The following ABTB3 variants were observed in gnomAD, a reference collection of about 807,000 sequenced individuals.
ABTB3 encodes ankyrin repeat and BTB domain containing 3, also known as ankyrin repeat- and BTB/POZ domain-containing protein 3.
the ABTB3 span, among the ~76,000 whole-genome samples, chr12:107,655,271 A>G: frequency 1.3e-5 from 2 of 151,956 alleles, no homozygotes; most frequent in Non-Finnish European, 2.9e-5. Flanking sequence ...ATATATATAT[A>G]TATACACCTA....
At chr12:107,403,991 C>T in the ABTB3 span, among the ~76,000 whole-genome samples, 32 of 151,838 alleles carry the variant, frequency 2.1e-4, 1 homozygote, top group South Asian at 3.5e-3. Context: ...GGTGAAACCC[C>T]GTCTCTACTA....
the ABTB3 span, among the ~76,000 whole-genome samples, chr12:107,482,904 C>CCTTCT: frequency 5.9e-4 from 80 of 134,900 alleles, 3 homozygotes; most frequent in African/African-American, 2.0e-3. Flanking sequence ...CTCTCTCTCT[C>CCTTCT]TCTTTCTTCT....
the ABTB3 span, among the ~76,000 whole-genome samples, chr12:107,470,263 T>G: frequency 6.6e-6 from 1 of 151,946 alleles, no homozygotes; most frequent in African/African-American, 2.4e-5. Context: ...GGTCTTAAAC[T>G]CCTGACCTCA....
the ABTB3 span, among the ~76,000 whole-genome samples, chr12:107,332,504 C>T: frequency 2.0e-5 from 3 of 152,156 alleles, no homozygotes; most frequent in African/African-American, 7.2e-5. Context: ...GTTCTCGGTG[C>T]CTGTTCCTAA....
chr12:107,504,746 G>A, the ABTB3 span, among the ~76,000 whole-genome samples: 1 of 152,154 alleles, frequency 6.6e-6, no homozygotes. Context: ...ACTATAGAGG[G>A]TATCCTTGCT....
the ABTB3 span, among the ~76,000 whole-genome samples, chr12:107,510,464 G>A: frequency 6.6e-6 from 1 of 151,810 alleles, no homozygotes; most frequent in Non-Finnish European, 1.5e-5. Flanking sequence ...GTAAACCTTT[G>A]GTTGCTCACA....
the ABTB3 span, among the ~76,000 whole-genome samples, chr12:107,445,595 G>A: frequency 8.5e-5 from 13 of 152,158 alleles, no homozygotes; most frequent in Non-Finnish European, 1.5e-4. Context: ...TCAGAGAAGA[G>A]AACACTGAAA....
chr12:107,511,187 G>A, the ABTB3 span, among the ~76,000 whole-genome samples: 19 of 152,274 alleles, frequency 1.2e-4, no homozygotes, highest in East Asian at 5.8e-4. Flanking sequence ...ATTGGCAGTC[G>A]GGAATTGCCT....
the ABTB3 span, among the ~76,000 whole-genome samples, chr12:107,549,401 T>A: frequency 6.6e-6 from 1 of 152,226 alleles, no homozygotes; most frequent in Non-Finnish European, 1.5e-5. Context: ...CTTACTCCTA[T>A]GGACATACCT....
At chr12:107,554,592 TCTCA>T in the ABTB3 span, among the ~76,000 whole-genome samples, 1 of 152,222 alleles carries the variant, frequency 6.6e-6, no homozygotes, top group Admixed American at 6.5e-5. Flanking sequence ...CCGTTACTAT[TCTCA>T]CTGTCATGGT....
At chr12:107,401,477 C>T in the ABTB3 span, among the ~76,000 whole-genome samples, 43 of 152,332 alleles carry the variant, frequency 2.8e-4, no homozygotes, top group South Asian at 1.0e-3. Context: ...ACCAGGAACA[C>T]CCCATCACAG....
chr12:107,467,611 C>A, the ABTB3 span, among the ~76,000 whole-genome samples: 849 of 151,254 alleles, frequency 5.6e-3, 12 homozygotes, highest in African/African-American at 0.019. Flanking sequence ...TGCATGCACT[C>A]ATACACACAC....
the ABTB3 span, among the ~76,000 whole-genome samples, chr12:107,603,183 C>G: frequency 1.3e-5 from 2 of 152,206 alleles, no homozygotes; most frequent in African/African-American, 4.8e-5. Flanking sequence ...CCTTCAGAAA[C>G]TTTCTGGAAA....
the ABTB3 span, among the ~76,000 whole-genome samples, chr12:107,468,086 G>A: frequency 4.5e-4 from 68 of 152,232 alleles, no homozygotes; most frequent in Middle Eastern, 6.8e-3. Context: ...ACCGAGAAAC[G>A]CCAGTCATCC....
the ABTB3 span, among the ~76,000 whole-genome samples, chr12:107,409,319 C>T: frequency 6.6e-5 from 10 of 152,284 alleles, no homozygotes; most frequent in East Asian, 3.9e-4. Flanking sequence ...GAAATAGGAA[C>T]GCTTTTACAC....
At chr12:107,503,745 A>T in the ABTB3 span, among the ~76,000 whole-genome samples, 1 of 119,988 alleles carries the variant, frequency 8.3e-6, no homozygotes, top group East Asian at 2.3e-4. Context: ...TGATAGAGCA[A>T]GACCCTATCT....
the ABTB3 span, among the ~76,000 whole-genome samples, chr12:107,422,108 A>G: frequency 6.6e-6 from 1 of 152,220 alleles, no homozygotes; most frequent in African/African-American, 2.4e-5. Flanking sequence ...TCAATGGGAT[A>G]GTCAAGGAGG....
the ABTB3 span, among the ~76,000 whole-genome samples, chr12:107,549,189 GA>G: frequency 6.6e-6 from 1 of 152,154 alleles, no homozygotes; most frequent in African/African-American, 2.4e-5. Flanking sequence ...CTAATAATGT[GA>G]AACAAAATAA....
chr12:107,644,493 A>G, the ABTB3 span, among the ~76,000 whole-genome samples: 2 of 152,326 alleles, frequency 1.3e-5, no homozygotes, highest in Middle Eastern at 6.8e-3. Context: ...TTTCTTACAC[A>G]TTAGCAGCTC....
Sources: allele counts gnomAD v4.1 joint callset (sites outside exome capture counted in the v4.1 genomes callset), GRCh38; gene constraint gnomAD v4.1.1; transcripts MANE v1.5; gene names NCBI Gene and HGNC (gene_info 2026-07-23, HGNC 2026-07-21).